Variants in CXorf66 observed in about 807,000 individuals in gnomAD.
CXorf66 encodes uncharacterized protein CXorf66.
A neutral mutation model predicts 5.0 loss-of-function variants in CXorf66; 6 were observed. The observed-to-expected ratio is 1.20, with a 90% CI of 0.65 to 2.36. The LOEUF (loss-of-function observed/expected upper bound fraction) is 2.36. CXorf66 is among the 30% of genes most tolerant of loss of function. The probability of loss-of-function intolerance (pLI) is 0.00; values close to 1 mark genes in which losing one functional copy is unlikely to be tolerated. For missense variants in CXorf66, 270 were observed against 254.9 expected (o/e 1.06, Z -0.40); for synonymous variants, 98 against 102.8 (o/e 0.95, Z 0.28).
Position 139,956,496 on chromosome X carries a change from T to C in CXorf66, c.486A>G (p.Lys162=). ...AGKLTRPSYP[K]RSSKSSCSKK... ...TTGAGCATGATGACTTGGATGACCT[T>C]TTTGGATATGATGGCCTAGTTAACT... Residue 162 remains lysine (K), a synonymous_variant, in exon 3 of 3, where the codon AAA becomes AAG. Transcript: ENST00000370540. 1 of 1,211,912 alleles carries C rather than the reference T, an allele frequency of 8.3e-7. No individual in the cohort carries two copies. Among genetic ancestry groups the C allele is most frequent in the Non-Finnish European group, 1.1e-6 (1 of 895,557 alleles).
chrX:139,963,835 G>A (rs1418930082), intron 1 of CXorf66, among the ~76,000 whole-genome samples: 26 of 111,577 alleles, frequency 2.3e-4, no homozygotes, highest in Non-Finnish European at 4.7e-4. Context: ...TTTAATAAAC[G>A]GTGCTGACAA....
intron 1 of CXorf66, among the ~76,000 whole-genome samples, chrX:139,965,052 C>T (rs763585144): frequency 9.0e-6 from 1 of 111,150 alleles, no homozygotes; most frequent in South Asian, 3.9e-4. Context: ...GCACGTTCTG[C>T]ACATGTATCC....
At position 139,958,214 on chromosome X, in the gene CXorf66, T is replaced by A; in HGVS notation, c.92A>T (p.Asp31Val). 8.5e-7 allele frequency: 1 copy of A among 1,173,016 alleles called. No homozygotes were observed. Among genetic ancestry groups the A allele is most frequent in the Non-Finnish European group, 1.1e-6 (1 of 878,078 alleles). The change falls in exon 2 of 3, where the codon GAT becomes GTT. Residue 31 changes from aspartate to valine, a missense_variant. Asp to Val is a radical substitution (Grantham distance 152, BLOSUM62 -3). Transcript: ENST00000370540. ...NQTNGSSTTG[D>V]KPVESMQTKL... is the part of the protein sequence containing the mutation. ...TGTCTGCATTGATTCAACAGGTTTA[T>A]CTCCTGCAAAGAGATTGTATAATCA...
At chrX:139,962,722 C>T (rs760228399) in intron 1 of CXorf66, among the ~76,000 whole-genome samples, 1 of 111,783 alleles carries the variant, frequency 8.9e-6, no homozygotes, top group East Asian at 2.8e-4. Flanking sequence ...AGCTTATCCA[C>T]CACCATCAAG....
Position 139,956,522 on chromosome X carries a change from T to G in CXorf66, c.460A>C (p.Lys154Gln), listed in dbSNP as rs1171037081. The change falls in exon 3 of 3, where the codon AAG (lysine) becomes CAG (glutamine). Residue 154 changes from lysine to glutamine, a missense_variant. Transcript: ENST00000370540. Reference sequence around the variant, plus strand: ...TTTGGATATGATGGCCTAGTTAACTTTCCTGCACTGTTTGGTATGGATGGC... The same window carrying G: ...TTTGGATATGATGGCCTAGTTAACTGTCCTGCACTGTTTGGTATGGATGGC... ...QKPSIPNSAG[K>Q]LTRPSYPKRS... is the part of the protein sequence containing the mutation. 3 of 1,211,168 alleles carry G rather than the reference T, an allele frequency of 2.5e-6. No individual in the cohort carries two copies. The South Asian group carries it at 5.3e-5, about 21-fold the overall frequency.
intron 2 of CXorf66, among the ~76,000 whole-genome samples, 181 bp downstream of exon 2, chrX:139,957,883 A>G (rs1392913657): frequency 9.0e-6 from 1 of 111,718 alleles, no homozygotes; most frequent in Non-Finnish European, 1.9e-5. Context: ...GCTGAAGTTA[A>G]TAATGTACTA....
chrX:139,956,018 C>T lies in CXorf66; in HGVS notation c.964G>A (p.Asp322Asn). The T allele has an allele frequency of 8.3e-7, 1 of 1,211,047 alleles. No homozygotes were observed. Among genetic ancestry groups the T allele is most frequent in the Non-Finnish European group, 1.1e-6 (1 of 894,959 alleles). ...KLDSRNNAYG[D>N]HVNDSDTMKY... Reference sequence around the variant, plus strand: ...ATCGTATCACTGTCATTCACATGATCACCGTATGCATTGTTCCTGGAATCT... The same window carrying T: ...ATCGTATCACTGTCATTCACATGATTACCGTATGCATTGTTCCTGGAATCT... Residue 322 changes from aspartate to asparagine, a missense_variant, in exon 3 of 3, where the codon GAT (aspartate) becomes AAT (asparagine). Coordinates refer to ENST00000370540, the MANE Select transcript of CXorf66 (RefSeq NM_001013403.3).
chrX:139,957,132 A>G (rs774070542), intron 2 of CXorf66, among the ~76,000 whole-genome samples: 19 of 111,597 alleles, frequency 1.7e-4, no homozygotes, highest in Non-Finnish European at 3.4e-4. Context: ...ATGCCATTGC[A>G]CTCCAGCCTG....
At chrX:139,958,482 T>A (rs1288016160) in intron 1 of CXorf66, among the ~76,000 whole-genome samples, 1 of 111,527 alleles carries the variant, frequency 9.0e-6, no homozygotes, top group East Asian at 2.8e-4. Context: ...GGTTTTTGAA[T>A]CTGTGTGTGT....
chrX:139,956,801 C>T (rs1039250428), intron 2 of CXorf66, 62 bp from the exon 3 acceptor site: 19 of 1,058,277 alleles, frequency 1.8e-5, no homozygotes, highest in South Asian at 4.3e-5. Flanking sequence ...TTACTATTAT[C>T]GGAGAACGTA....
At chrX:139,964,811 A>G (rs1926652916) in intron 1 of CXorf66, among the ~76,000 whole-genome samples, 1 of 111,019 alleles carries the variant, frequency 9.0e-6, no homozygotes, top group Non-Finnish European at 1.9e-5. Context: ...CTAACAGAGG[A>G]ACAGAAAACC....
In CXorf66 at chrX:139,956,422, C is replaced by T; in HGVS notation, c.560G>A (p.Ser187Asn). Residue 187 changes from serine to asparagine, a missense_variant, in exon 3 of 3, where the codon AGC (serine) becomes AAC (asparagine). Ser to Asn is a conservative substitution (Grantham distance 46, BLOSUM62 1). Transcript: ENST00000370540. Reference protein sequence around the residue: ...SHLEKAHKKGSLEKLCKLDYA... With the variant: ...SHLEKAHKKGNLEKLCKLDYA... Reference sequence around the variant, plus strand: ...GTCTAGCTTACATAATTTTTCTAGGCTGCCTTTCTTATGTGCCTTTTCCAG... The same window carrying T: ...GTCTAGCTTACATAATTTTTCTAGGTTGCCTTTCTTATGTGCCTTTTCCAG... The T allele has an allele frequency of 8.3e-7, 1 of 1,211,802 alleles. No individual in the cohort carries two copies. Among genetic ancestry groups the T allele is most frequent in the Non-Finnish European group, 1.1e-6 (1 of 895,467 alleles).
At chrX:139,962,951 C>G (rs1481719474) in intron 1 of CXorf66, among the ~76,000 whole-genome samples, 1 of 111,839 alleles carries the variant, frequency 8.9e-6, no homozygotes, top group Non-Finnish European at 1.9e-5. Flanking sequence ...TTATGACAAA[C>G]CCATAGCCAA....
rs142618562 is a variant in CXorf66, at chrX:139,956,202, A to G, written c.780T>C (p.Ser260=). Residue 260 remains serine, a synonymous_variant, in exon 3 of 3, where the codon TCT becomes TCC. Coordinates refer to ENST00000370540, the MANE Select transcript of CXorf66 (RefSeq NM_001013403.3). Reference sequence around the variant, plus strand: ...AGGGTTGACAAGTTTCAGCTAATTCAGAGTTGGATAATAAGGCTGCCCTGC... The same window carrying G: ...AGGGTTGACAAGTTTCAGCTAATTCGGAGTTGGATAATAAGGCTGCCCTGC... ...SLGRAALLSN[S]ELAETCQPYK... 153 of 1,209,942 alleles carry G rather than the reference A, an allele frequency of 1.3e-4. No individual in the cohort carries two copies. The Middle Eastern group carries it at 1.4e-3, about 11-fold the overall frequency.
At chrX:139,959,185 A>G (rs2085584723) in intron 1 of CXorf66, among the ~76,000 whole-genome samples, 1 of 111,908 alleles carries the variant, frequency 8.9e-6, no homozygotes, top group Non-Finnish European at 1.9e-5. Context: ...TCTCGATGCC[A>G]GCACAGCAGT....
chrX:139,957,003 T>C (rs2085576442), intron 2 of CXorf66, among the ~76,000 whole-genome samples: 1 of 110,559 alleles, frequency 9.0e-6, no homozygotes, highest in Admixed American at 9.8e-5. Flanking sequence ...CCATCTCTAC[T>C]AAAAATACAA....
At chrX:139,964,929 G>T in intron 1 of CXorf66, among the ~76,000 whole-genome samples, 1 of 110,661 alleles carries the variant, frequency 9.0e-6, no homozygotes, top group Middle Eastern at 4.6e-3. Flanking sequence ...TGGGGGCAAG[G>T]GGAGGGAGAG....
chrX:139,957,144 G>T (rs1283867943), intron 2 of CXorf66, among the ~76,000 whole-genome samples: 1 of 111,676 alleles, frequency 9.0e-6, no homozygotes, highest in Non-Finnish European at 1.9e-5. Context: ...TCCAGCCTGG[G>T]TGACAAAGTG....
intron 1 of CXorf66, among the ~76,000 whole-genome samples, chrX:139,962,339 C>T (rs1181777204): frequency 9.0e-6 from 1 of 111,333 alleles, no homozygotes; most frequent in African/African-American, 3.3e-5. Context: ...TGGATAAATT[C>T]CTGGACACAC....
Sources: allele counts gnomAD v4.1 joint callset (sites outside exome capture counted in the v4.1 genomes callset), GRCh38; gene constraint gnomAD v4.1.1; transcripts MANE v1.5; gene names NCBI Gene and HGNC (gene_info 2026-07-23, HGNC 2026-07-21).